The following VPS13D variants were observed in gnomAD, a reference collection of about 807,000 sequenced individuals.
The protein encoded by VPS13D is intermembrane lipid transfer protein VPS13D.
VPS13D carries 187 observed loss-of-function variants against 461.9 expected under a neutral mutation model. That is an observed-to-expected ratio of 0.40 (90% CI 0.36 to 0.46). The LOEUF is 0.46. Among genes scored for constraint, VPS13D ranks in the 20% least tolerant of loss-of-function variants. VPS13D has a pLI of 0.60. For synonymous variants in VPS13D, 1,951 were observed against 1,986.3 expected (o/e 0.98, Z 0.47); for missense variants, 4,711 against 5,364.9 (o/e 0.88, Z 3.81).
At position 12,415,715 on chromosome 1, in the gene VPS13D, C is replaced by T. The variant is rs144323396; in HGVS notation, c.12165+494C>T. Among the ~76,000 whole-genome samples, 49 of 152,262 alleles carry T rather than the reference C, an allele frequency of 3.2e-4. 1 individual carries two copies. The highest frequency in any genetic ancestry group is 3.0e-3 in the Admixed American group (46 of 15,282). The stretch of plus-strand genomic sequence containing the variant: ...CTTCAATGAATAGATAGGTCAAGAT[C>T]GTATCAAATTTAATAGCTTTCAAAG... On this transcript the variant is annotated intron_variant, in intron 64 of 69. Coordinates refer to ENST00000620676, the MANE Select transcript of VPS13D (RefSeq NM_015378.4).
rs763662242 is a variant in VPS13D at position 12,293,623 on chromosome 1, A to G, written c.5952A>G (p.Ala1984=). Residue 1984 remains alanine, a synonymous_variant, in exon 24 of 70, where the codon GCA becomes GCG. Coordinates refer to ENST00000620676, the MANE Select transcript of VPS13D (RefSeq NM_015378.4). The part of the protein sequence containing the change: ...VQYVHTQRFQ[A]EVVAFIQHFT... ...ATGTGCATACTCAGCGTTTCCAGGCAGAGGTGGTGGCCTTCATTCAGCATT... is the reference window on the plus strand; with the variant it reads ...ATGTGCATACTCAGCGTTTCCAGGCGGAGGTGGTGGCCTTCATTCAGCATT... 6.2e-7 allele frequency: 1 copy of G among 1,614,172 alleles called. No homozygotes were observed. Among genetic ancestry groups the G allele is most frequent in the Admixed American group, 1.7e-5 (1 of 60,022 alleles).
chr1:12,359,264 A>C (rs1190009983), intron 50 of VPS13D, among the ~76,000 whole-genome samples: 1 of 152,220 alleles, frequency 6.6e-6, no homozygotes, highest in Non-Finnish European at 1.5e-5. Flanking sequence ...ATCAGGGTGA[A>C]AATTGTAGCA....
At chr1:12,327,606 G>T in intron 35 of VPS13D, 42 bp from the exon 36 acceptor site, 1 of 1,604,256 alleles carries the variant, frequency 6.2e-7, no homozygotes, top group South Asian at 1.1e-5. Context: ...TAGGGTAGCT[G>T]TGGAAGCTGG....
At chr1:12,305,276 A>AT (rs74684372) in intron 26 of VPS13D, among the ~76,000 whole-genome samples, 16 of 149,202 alleles carry the variant, frequency 1.1e-4, no homozygotes, top group East Asian at 3.9e-4. Context: ...GGTTTTATGT[A>AT]TTTTTTTTTT....
intron 12 of VPS13D, among the ~76,000 whole-genome samples, chr1:12,261,460 A>G (rs1641106229): frequency 6.6e-6 from 1 of 152,364 alleles, no homozygotes; most frequent in Middle Eastern, 3.4e-3. Flanking sequence ...GCAGTGTCCG[A>G]TATCTAGCCA....
intron 65 of VPS13D, among the ~76,000 whole-genome samples, chr1:12,432,070 G>A (rs746748062): frequency 2.0e-5 from 3 of 152,088 alleles, no homozygotes; most frequent in Non-Finnish European, 4.4e-5. Context: ...TGTTAGAATT[G>A]TCATCGGGTT....
chr1:12,316,936 C>T (rs1214441615), intron 30 of VPS13D, among the ~76,000 whole-genome samples: 1 of 152,116 alleles, frequency 6.6e-6, no homozygotes, highest in African/African-American at 2.4e-5. Context: ...TGAAGTCAGG[C>T]CTGAGAGTCC....
intron 68 of VPS13D, 22 bp from the exon 69 acceptor site, chr1:12,506,831 G>C: frequency 1.2e-6 from 2 of 1,610,414 alleles, no homozygotes; most frequent in Non-Finnish European, 1.7e-6. Flanking sequence ...TGTCACTCCT[G>C]TGTTCCCGTC....
chr1:12,472,905 G>A (rs1645581201), intron 67 of VPS13D, among the ~76,000 whole-genome samples: 1 of 152,148 alleles, frequency 6.6e-6, no homozygotes, highest in Non-Finnish European at 1.5e-5. Flanking sequence ...TTCTTTCCCC[G>A]AAAGATTGAG....
intron 62 of VPS13D, among the ~76,000 whole-genome samples, chr1:12,402,370 A>G (rs1008863870): frequency 6.6e-6 from 1 of 152,188 alleles, no homozygotes. Flanking sequence ...ATGGCTGTGT[A>G]TACAGCTTAG....
In VPS13D at chr1:12,358,405, A is replaced by G. The variant is rs942907697; in HGVS notation, c.9999-54A>G. ...TTAGTGTTTCCCAATTAGAACAGGC[A>G]GATAAGACTTTCTTGTGGATGAATA... is the stretch of plus-strand genomic sequence containing the variant. On this transcript the variant is annotated intron_variant, in intron 49 of 69. Transcript: ENST00000620676. 1.9e-6 allele frequency: 3 copies of G among 1,602,212 alleles called. No individual in the cohort carries two copies. The African/African-American group carries it at 4.0e-5, about 21-fold the overall frequency.
intron 13 of VPS13D, among the ~76,000 whole-genome samples, chr1:12,264,548 A>G (rs1309261008): frequency 2.6e-5 from 4 of 152,272 alleles, no homozygotes; most frequent in Non-Finnish European, 4.4e-5. Context: ...ATAGAAGATC[A>G]AAGCAGCCAC....
chr1:12,354,435 G>A (rs1410836290), intron 47 of VPS13D, among the ~76,000 whole-genome samples: 1 of 152,136 alleles, frequency 6.6e-6, no homozygotes, highest in Admixed American at 6.5e-5. Flanking sequence ...TCAGGAGGCT[G>A]AGGCGGGAAG....
rs1004352147 is a variant in VPS13D, at chr1:12,502,706, T to C, written c.12795-4147T>C. ...GGCTGAAACAGTTACTTGGCAGATT[T>C]CTCCCTGAGAGAAGCTGGTCATGAG... On this transcript the variant is annotated intron_variant, in intron 68 of 69. Coordinates refer to ENST00000620676, the MANE Select transcript of VPS13D (RefSeq NM_015378.4). The surrounding 1 kb of genome is among the most constrained non-coding windows in gnomAD (Gnocchi z 4.3). Among the ~76,000 whole-genome samples the C allele has an allele frequency of 4.3e-4, 66 of 151,998 alleles. No individual in the cohort carries two copies. The highest frequency in any genetic ancestry group is 1.3e-3 in the African/African-American group (54 of 41,452).
intron 22 of VPS13D, among the ~76,000 whole-genome samples, chr1:12,290,273 A>T (rs1380986600): frequency 1.3e-5 from 2 of 152,122 alleles, no homozygotes; most frequent in African/African-American, 4.8e-5. Flanking sequence ...AACATGCTTA[A>T]TGTTGCTTGA....
intron 65 of VPS13D, among the ~76,000 whole-genome samples, chr1:12,439,486 T>A (rs1645103271): frequency 6.7e-6 from 1 of 149,772 alleles, no homozygotes; most frequent in South Asian, 2.1e-4. Flanking sequence ...CCTCCTCCCC[T>A]CTTGTTTTTC....
rs1340467433 is a variant in VPS13D, at chr1:12,250,119, G to A, written c.564+780G>A. Among the ~76,000 whole-genome samples, 3 of 152,346 alleles carry A rather than the reference G, an allele frequency of 2.0e-5. No homozygotes were observed. In the East Asian group the frequency reaches 5.8e-4, roughly 29 times the overall value. On this transcript the variant is annotated intron_variant, in intron 6 of 69. Transcript: ENST00000620676. ...GCTGGTTTATAATAAACGGTGTTAT[G>A]AGGATACAGGTGAATATCTAGATAA... is the stretch of plus-strand genomic sequence containing the variant.
intron 67 of VPS13D, among the ~76,000 whole-genome samples, chr1:12,479,378 C>A (rs1645682154): frequency 6.6e-6 from 1 of 152,202 alleles, no homozygotes; most frequent in Non-Finnish European, 1.5e-5. Flanking sequence ...TCTGTCACTT[C>A]CAGATTGCTG....
At position 12,508,873 on chromosome 1, in the gene VPS13D, C is replaced by T. The variant is rs1646148644; in HGVS notation, c.13036-20C>T. 1.2e-6 allele frequency: 2 copies of T among 1,610,382 alleles called. No homozygotes were observed. The highest frequency in any genetic ancestry group is 1.7e-6 in the Non-Finnish European group (2 of 1,178,418). On this transcript the variant is annotated intron_variant, in intron 69 of 69. Transcript: ENST00000620676. ...TTCCCCATCCTGGGGACAGGTGACC[C>T]ATCCTGTTCTCCTCCTTAGGTCCAT...
Sources: gnomAD v4.1 joint callset for allele counts (sites outside exome capture counted in the v4.1 genomes callset) on GRCh38, gnomAD v4.1.1 for gene constraint, Gnocchi (gnomAD v3.1) non-coding constraint, MANE v1.5 for transcripts, NCBI Gene and HGNC (gene_info 2026-07-23, HGNC 2026-07-21) for gene names.